PTPRE: variants seen among roughly 807,000 people sequenced by gnomAD.
PTPRE encodes the protein protein tyrosine phosphatase receptor type E.
A neutral mutation model predicts 102.0 loss-of-function variants in PTPRE; 51 were observed. That is an observed-to-expected ratio of 0.50 (90% CI 0.40 to 0.63). The LOEUF is 0.63. Among genes scored for constraint, PTPRE ranks in the 30% least tolerant of loss-of-function variants. PTPRE has a pLI of 0.00. For missense variants in PTPRE, 752 were observed against 915.1 expected (o/e 0.82, Z 2.30); for synonymous variants, 345 against 348.2 (o/e 0.99, Z 0.10).
intron 1 of PTPRE, among the ~76,000 whole-genome samples, chr10:127,942,279 GAAGAATGTTGAGGA>G (rs1848304080): frequency 6.6e-6 from 1 of 152,192 alleles, no homozygotes; most frequent in Admixed American, 6.5e-5. Context: ...ATCAGAAACG[GAAGAATGTTGAGGA>G]AAGGTGATCA....
intron 2 of PTPRE, chr10:127,997,981 A>G (rs960166587): frequency 1.3e-5 from 2 of 152,250 alleles, no homozygotes; most frequent in Non-Finnish European, 2.9e-5. Flanking sequence ...ACTAAGTTTT[A>G]TATAGCCAGT....
At chr10:127,955,249 C>A (rs188239581) in intron 1 of PTPRE, among the ~76,000 whole-genome samples, 7 of 152,208 alleles carry the variant, frequency 4.6e-5, no homozygotes, top group East Asian at 1.9e-4. Flanking sequence ...AGATAAAGAA[C>A]CATGACTATC....
intron 2 of PTPRE, among the ~76,000 whole-genome samples, chr10:127,992,846 G>A (rs533652252): frequency 2.6e-5 from 4 of 152,322 alleles, no homozygotes; most frequent in East Asian, 3.9e-4. Context: ...AGCCAGGTGC[G>A]TGCCCAGGCA....
chr10:127,985,293 T>C (rs1851986220), intron 2 of PTPRE, among the ~76,000 whole-genome samples: 1 of 152,220 alleles, frequency 6.6e-6, no homozygotes, highest in African/African-American at 2.4e-5. Flanking sequence ...TAATAAAAGC[T>C]AGCTATGGGC....
chr10:128,080,131 C>T (rs947652935), intron 20 of PTPRE, among the ~76,000 whole-genome samples: 30 of 152,194 alleles, frequency 2.0e-4, no homozygotes, highest in African/African-American at 7.2e-4. Flanking sequence ...CGGGGTCTCA[C>T]TCAGCCTCAA....
intron 1 of PTPRE, among the ~76,000 whole-genome samples, chr10:127,942,791 T>G (rs895082724): frequency 6.6e-5 from 10 of 152,238 alleles, no homozygotes; most frequent in African/African-American, 2.4e-4. Flanking sequence ...TGGGGCGAGG[T>G]AGTGATGATG....
intron 7 of PTPRE, among the ~76,000 whole-genome samples, chr10:128,060,178 CCA>C (rs1234316702): frequency 6.7e-6 from 1 of 148,738 alleles, no homozygotes; most frequent in Non-Finnish European, 1.5e-5. Flanking sequence ...CACACATACA[CCA>C]CACACACTAC....
intron 1 of PTPRE, among the ~76,000 whole-genome samples, chr10:127,927,567 G>T (rs1027714385): frequency 3.3e-5 from 5 of 152,158 alleles, no homozygotes; most frequent in African/African-American, 1.2e-4. Flanking sequence ...GCCCCAGTTT[G>T]TCTCCCCAAC....
chr10:127,947,624 C>T (rs12415926), intron 1 of PTPRE, among the ~76,000 whole-genome samples: 11,683 of 152,174 alleles, frequency 0.077, 608 homozygotes, highest in East Asian at 0.14. Flanking sequence ...TTTCTGTGCC[C>T]GGCTATTCTC....
intron 1 of PTPRE, among the ~76,000 whole-genome samples, chr10:127,964,472 C>T (rs994964954): frequency 6.6e-5 from 10 of 152,142 alleles, no homozygotes; most frequent in Non-Finnish European, 4.4e-5. Context: ...TACCCGGCCT[C>T]CTTTGCTTTT....
intron 2 of PTPRE, among the ~76,000 whole-genome samples, chr10:127,983,885 C>A (rs1049416966): frequency 5.3e-5 from 8 of 152,136 alleles, no homozygotes; most frequent in Non-Finnish European, 1.0e-4. Flanking sequence ...GGCTCCTCCA[C>A]CTCCCGGCCT....
At chr10:128,033,879 A>T (rs1846984513) in intron 2 of PTPRE, among the ~76,000 whole-genome samples, 1 of 152,210 alleles carries the variant, frequency 6.6e-6, no homozygotes. Context: ...TCCTGACCTC[A>T]AGTGATCTGC....
At chr10:127,950,965 C>T (rs369037434) in intron 1 of PTPRE, among the ~76,000 whole-genome samples, 2 of 152,036 alleles carry the variant, frequency 1.3e-5, no homozygotes, top group East Asian at 3.9e-4. Flanking sequence ...GGCATCGTGG[C>T]GGGCGCCTAT....
intron 2 of PTPRE, among the ~76,000 whole-genome samples, chr10:128,009,133 G>T (rs186575809): frequency 2.0e-5 from 3 of 152,338 alleles, no homozygotes; most frequent in Admixed American, 2.0e-4. Flanking sequence ...GCATCCAGGA[G>T]GGGTCTCACT....
At chr10:127,996,471 C>A (rs1853275310) in intron 2 of PTPRE, among the ~76,000 whole-genome samples, 1 of 152,194 alleles carries the variant, frequency 6.6e-6, no homozygotes, top group South Asian at 2.1e-4. Flanking sequence ...AAAGTTGATT[C>A]AAATTGCTCA....
chr10:127,942,991 T>G (rs892699353), intron 1 of PTPRE, among the ~76,000 whole-genome samples: 1 of 152,188 alleles, frequency 6.6e-6, no homozygotes, highest in Non-Finnish European at 1.5e-5. Flanking sequence ...TTTAATCACG[T>G]GGGCCAGGAA....
At chr10:128,039,646 G>A (rs1018695011) in intron 2 of PTPRE, among the ~76,000 whole-genome samples, 3 of 152,162 alleles carry the variant, frequency 2.0e-5, no homozygotes, top group Non-Finnish European at 4.4e-5. Flanking sequence ...AAGCATTAGT[G>A]TTTAACATGT....
intron 2 of PTPRE, among the ~76,000 whole-genome samples, chr10:128,020,962 A>G (rs528688592): frequency 2.0e-5 from 3 of 151,612 alleles, no homozygotes; most frequent in South Asian, 2.1e-4. Flanking sequence ...CAGTGGCGCA[A>G]TCTCAGCTCA....
rs1422573097 is a variant in PTPRE, at chr10:128,077,763, C to A, written c.1872C>A (p.His624Gln). Residue 624 changes from histidine (H) to glutamine (Q), a missense_variant, in exon 19 of 21, where the codon CAC becomes CAA. Physicochemically the swap from His to Gln is conservative, Grantham distance 24. Coordinates refer to ENST00000254667, the MANE Select transcript of PTPRE (RefSeq NM_006504.6). ...VQKQQQQTGN[H>Q]PITVHCSAGA... is the part of the protein sequence containing the mutation. ...AGCAGCAGCAGCAGACAGGCAACCA[C>A]CCCATCACCGTGCACTGCAGGTGAG... The A allele has an allele frequency of 2.5e-6, 4 of 1,604,268 alleles. No individual in the cohort carries two copies. The Admixed American group carries it at 6.7e-5, about 27-fold the overall frequency.
Sources: gnomAD v4.1 joint callset for allele counts (sites outside exome capture counted in the v4.1 genomes callset) on GRCh38, gnomAD v4.1.1 for gene constraint, MANE v1.5 for transcripts, NCBI Gene and HGNC (gene_info 2026-07-23, HGNC 2026-07-21) for gene names.